The following ZNF718 variants were observed in gnomAD, a reference collection of about 807,000 sequenced individuals.
ZNF718 encodes zinc finger protein 718.
ZNF718 carries 3 observed loss-of-function variants against 2.6 expected under a neutral mutation model. The ratio of observed to expected loss-of-function variants is 1.16; its 90% CI spans 0.53 to 3.01. The LOEUF (loss-of-function observed/expected upper bound fraction) is 3.01, where lower values mean the gene tolerates loss of function less well. Ranked by LOEUF, ZNF718 falls within the 30% of genes most tolerant of loss-of-function variation. ZNF718 has a pLI of 0.03. For missense variants in ZNF718, 468 were observed against 230.0 expected (o/e 2.03, Z -6.69); for synonymous variants, 135 against 77.9 (o/e 1.73, Z -3.86).
intron 3 of ZNF718, chr4:150,210 T>C (rs1224244718): frequency 6.6e-6 from 1 of 152,156 alleles, no homozygotes; most frequent in Non-Finnish European, 1.5e-5. Flanking sequence ...TAATATTCTA[T>C]ATATATGTCA....
intron 3 of ZNF718, among the ~76,000 whole-genome samples, chr4:142,866 C>T (rs782387324): frequency 9.9e-5 from 15 of 150,782 alleles, no homozygotes; most frequent in Non-Finnish European, 4.4e-5. Context: ...TTTAATTTTA[C>T]GAGGTTTGGT....
intron 3 of ZNF718, among the ~76,000 whole-genome samples, chr4:178,715 C>G (rs1437633447): frequency 1.3e-5 from 2 of 152,114 alleles, no homozygotes; most frequent in African/African-American, 4.8e-5. Context: ...CTTTGGAGAC[C>G]TTGGTTCATT....
At chr4:137,923 CAAA>C (rs1715644528) in intron 3 of ZNF718, among the ~76,000 whole-genome samples, 1 of 152,066 alleles carries the variant, frequency 6.6e-6, no homozygotes. Context: ...TATTTTCTTC[CAAA>C]AATTGTAGAG....
intron 3 of ZNF718, among the ~76,000 whole-genome samples, chr4:151,989 C>T (rs1253447567): frequency 1.3e-5 from 2 of 148,688 alleles, no homozygotes; most frequent in African/African-American, 5.0e-5. Flanking sequence ...AGAGGGTCAG[C>T]AGACAAACAC....
downstream of ZNF718, among the ~76,000 whole-genome samples, chr4:166,799 G>T (rs1327946488): frequency 6.6e-6 from 1 of 152,050 alleles, no homozygotes; most frequent in African/African-American, 2.4e-5. Flanking sequence ...CATTCTGTAG[G>T]TTGCCTGTTC....
intron 3 of ZNF718, among the ~76,000 whole-genome samples, chr4:173,341 T>A (rs1447576192): frequency 1.3e-5 from 2 of 152,212 alleles, no homozygotes; most frequent in Non-Finnish European, 2.9e-5. Context: ...ATTGAGCTAT[T>A]TCACTCGTTT....
At chr4:185,749 A>G (rs1553820405) in intron 3 of ZNF718, among the ~76,000 whole-genome samples, 1 of 152,144 alleles carries the variant, frequency 6.6e-6, no homozygotes, top group Non-Finnish European at 1.5e-5. Context: ...CCCTTATGTA[A>G]TGCCTTTCTT....
chr4:174,148 G>T (rs555213311), intron 3 of ZNF718, among the ~76,000 whole-genome samples: 1 of 152,174 alleles, frequency 6.6e-6, no homozygotes, highest in African/African-American at 2.4e-5. Context: ...AAGGACAGCT[G>T]CCTTCAGCTC....
At chr4:137,688 T>TA (rs1156708375) in intron 3 of ZNF718, among the ~76,000 whole-genome samples, 1 of 152,244 alleles carries the variant, frequency 6.6e-6, no homozygotes, top group Non-Finnish European at 1.5e-5. Context: ...TCATATTACT[T>TA]ACTCTTTGTT....
chr4:142,162 AC>A (rs1385520303), intron 3 of ZNF718: 5 of 399,290 alleles, frequency 1.3e-5, no homozygotes, highest in Non-Finnish European at 2.1e-5. Flanking sequence ...GGTGAAGCTA[AC>A]CAGGGAGATT....
intron 3 of ZNF718, among the ~76,000 whole-genome samples, chr4:195,655 T>C (rs1265213112): frequency 1.3e-5 from 2 of 152,156 alleles, no homozygotes; most frequent in Non-Finnish European, 2.9e-5. Flanking sequence ...CTCTAAAAGT[T>C]ATTTTTTTAC....
At chr4:159,703 A>AAAATT (rs2108801910) in intron 3 of ZNF718, among the ~76,000 whole-genome samples, 1 of 146,940 alleles carries the variant, frequency 6.8e-6, no homozygotes, top group Admixed American at 6.7e-5. Context: ...TATAAATTGT[A>AAAATT]TATGTTTCTA....
chr4:175,878 A>ATG (rs1477398704), intron 3 of ZNF718, among the ~76,000 whole-genome samples: 1 of 104,406 alleles, frequency 9.6e-6, no homozygotes, highest in East Asian at 2.9e-4. Flanking sequence ...TTTTTTTGAG[A>ATG]TGGAGTCTCG....
rs1717029792 is a variant in ZNF718 at position 164,152 on chromosome 4, A to G, written c.*2030A>G. Among the ~76,000 whole-genome samples, 1 of 152,144 alleles carries G rather than the reference A, an allele frequency of 6.6e-6. No individual in the cohort carries two copies. Among genetic ancestry groups the G allele is most frequent in the African/African-American group, 2.4e-5 (1 of 41,556 alleles). On this transcript the variant is annotated 3_prime_UTR_variant, in exon 4 of 4. Transcript: ENST00000510175. ...TGTGTCCTGAATAAATATGTTTTTA[A>G]ATGTTCCATATTTTTCTTTGGACAT...
At chr4:133,388 A>G (rs1045107831) in intron 3 of ZNF718, among the ~76,000 whole-genome samples, 6 of 151,986 alleles carry the variant, frequency 3.9e-5, no homozygotes, top group Admixed American at 6.5e-5. Context: ...TCTTAAATGC[A>G]CTGTCATCAA....
chr4:174,722 A>C (rs1474316048), intron 3 of ZNF718, among the ~76,000 whole-genome samples: 1 of 152,178 alleles, frequency 6.6e-6, no homozygotes, highest in Non-Finnish European at 1.5e-5. Context: ...GAAGAATCTC[A>C]TAGTAGAATA....
intron 3 of ZNF718, among the ~76,000 whole-genome samples, chr4:192,488 C>G (rs1717712019): frequency 6.6e-6 from 1 of 152,160 alleles, no homozygotes; most frequent in Non-Finnish European, 1.5e-5. Context: ...TCACCTTCCC[C>G]AGCTAGGCTT....
At chr4:167,064 C>T (rs1325999570), downstream of ZNF718, among the ~76,000 whole-genome samples, 3 of 152,178 alleles carry the variant, frequency 2.0e-5, no homozygotes, top group African/African-American at 4.8e-5. Flanking sequence ...CAGCTTTCTA[C>T]ATATGGCTAG....
intron 3 of ZNF718, among the ~76,000 whole-genome samples, chr4:141,534 G>A (rs1715811262): frequency 1.3e-5 from 2 of 152,124 alleles, no homozygotes; most frequent in Non-Finnish European, 2.9e-5. Context: ...TGGCTTTTTG[G>A]ATGGATCAGA....
Sources: gnomAD v4.1 joint callset for allele counts (sites outside exome capture counted in the v4.1 genomes callset) on GRCh38, gnomAD v4.1.1 for gene constraint, MANE v1.5 for transcripts, NCBI Gene and HGNC (gene_info 2026-07-23, HGNC 2026-07-21) for gene names.